IRF4: variants seen among roughly 807,000 people sequenced by gnomAD.
The protein encoded by IRF4 is lymphocyte-specific interferon regulatory factor.
In IRF4, 13 loss-of-function variants were observed where a neutral mutation model predicts 55.5. That is an observed-to-expected ratio of 0.23 (90% CI 0.15 to 0.37). The LOEUF is 0.37. IRF4 is among the 10% of genes least tolerant of loss of function. IRF4 has a pLI of 1.00. For synonymous variants in IRF4, 249 were observed against 240.7 expected (o/e 1.03, Z -0.32); for missense variants, 397 against 593.8 (o/e 0.67, Z 3.44).
intron 1 of IRF4, among the ~76,000 whole-genome samples, chr6:392,886 T>G (rs1361909595): frequency 1.3e-5 from 2 of 151,412 alleles, no homozygotes; most frequent in Non-Finnish European, 2.9e-5. Flanking sequence ...GGGGCCGAGC[T>G]CGGAAGGCGG....
chr6:392,818 C>T (rs1005555614), intron 1 of IRF4, among the ~76,000 whole-genome samples: 4 of 152,146 alleles, frequency 2.6e-5, no homozygotes, highest in Non-Finnish European at 5.9e-5. Flanking sequence ...CGGCGCGTGT[C>T]GGGAGCCTTT....
In IRF4 at chr6:393,413, A is replaced by C; in HGVS notation, c.216+45A>C. Reference sequence around the variant, plus strand: ...GGCGGGGGCGCGCCGGGGAGGGCCCAGAGACAGAGCCCGGGGTCCCCGGCG... The same window carrying C: ...GGCGGGGGCGCGCCGGGGAGGGCCCCGAGACAGAGCCCGGGGTCCCCGGCG... On this transcript the variant is annotated intron_variant, in intron 2 of 8. Transcript: ENST00000380956. This position sits in a 1 kb window ranked among gnomAD's most constrained non-coding sequence, Gnocchi z 5.4. 4 of 1,153,176 alleles carry C rather than the reference A, an allele frequency of 3.5e-6. No individual in the cohort carries two copies. The highest frequency in any genetic ancestry group is 4.7e-6 in the Non-Finnish European group (4 of 844,838). 71.4% of individuals were successfully genotyped at this position (1,153,176 alleles called of 1,614,324 possible).
In IRF4 at chr6:393,834, T is replaced by G. The variant is rs2127436457; in HGVS notation, c.216+466T>G. Reference sequence around the variant, plus strand: ...TTTCTCTTTTCGCTGCTTTTCTCTCTGAGTCTCTCTCTCTCCATGTTTTTC... The same window carrying G: ...TTTCTCTTTTCGCTGCTTTTCTCTCGGAGTCTCTCTCTCTCCATGTTTTTC... On this transcript the variant is annotated intron_variant, in intron 2 of 8. Coordinates refer to ENST00000380956, the MANE Select transcript of IRF4 (RefSeq NM_002460.4). This position sits in a 1 kb window ranked among gnomAD's most constrained non-coding sequence, Gnocchi z 5.4. Among the ~76,000 whole-genome samples the G allele has an allele frequency of 6.9e-6, 1 of 145,772 alleles. No homozygotes were observed. Among genetic ancestry groups the G allele is most frequent in the Middle Eastern group, 3.4e-3 (1 of 292 alleles).
At chr6:398,184 C>T (rs114847769) in intron 5 of IRF4, among the ~76,000 whole-genome samples, 1,812 of 152,298 alleles carry the variant, frequency 0.012, 37 homozygotes, top group African/African-American at 0.041. Context: ...TTCAGACTTG[C>T]GTTTACTGCT....
rs1448492529 is a variant in IRF4, at chr6:391,772, G to C, written c.-93G>C. 2.2e-6 allele frequency: 1 copy of C among 456,148 alleles called. No individual in the cohort carries two copies. The highest frequency in any genetic ancestry group is 6.9e-5 in the East Asian group (1 of 14,392). 28.3% of individuals were successfully genotyped at this position (456,148 alleles called of 1,614,324 possible). A position where few individuals can be genotyped will look rare whatever the true frequency, so the allele number is the denominator to read the frequency against. On this transcript the variant is annotated 5_prime_UTR_variant, in exon 1 of 9. Coordinates refer to ENST00000380956, the MANE Select transcript of IRF4 (RefSeq NM_002460.4). ...CTCTCAGTTTCACCGCTCGATCTTG[G>C]GACCCACCGCTGCCCTCAGCTCCGA...
chr6:405,892 A>G lies in IRF4; in HGVS notation c.1212+762A>G, dbSNP rs1051088905. 7.2e-5 allele frequency among the ~76,000 whole-genome samples: 11 copies of G among 152,354 alleles called. 3 individuals are homozygous for G. The highest frequency in any genetic ancestry group is 2.6e-4 in the African/African-American group (11 of 41,570). ...AGACTTTTGAATTTGAAAACTTCAC[A>G]TTGCTACATACTTGCAAGCATTATT... is the stretch of plus-strand genomic sequence containing the variant. On this transcript the variant is annotated intron_variant, in intron 8 of 8. Coordinates refer to ENST00000380956, the MANE Select transcript of IRF4 (RefSeq NM_002460.4).
Position 405,290 on chromosome 6 carries a change from AG to A in IRF4, c.1212+161del, listed in dbSNP as rs1761516173. Among the ~76,000 whole-genome samples, 7 of 152,370 alleles carry A rather than the reference AG, an allele frequency of 4.6e-5. No individual in the cohort carries two copies. The South Asian group carries it at 1.4e-3, about 32-fold the overall frequency. On this transcript the variant is annotated intron_variant, in intron 8 of 8. Coordinates refer to ENST00000380956, the MANE Select transcript of IRF4 (RefSeq NM_002460.4). Reference sequence around the variant, plus strand: ...AGGGAGGAAGCATGGTCCAACGAGCAGCACAGTCTGAGGACTCACGTGCTCC... The same window carrying A: ...AGGGAGGAAGCATGGTCCAACGAGCACACAGTCTGAGGACTCACGTGCTCC...
Position 395,915 on chromosome 6 carries a change from T to A in IRF4, c.472T>A (p.Tyr158Asn). Residue 158 changes from tyrosine to asparagine, a missense_variant, in exon 4 of 9, where the codon TAC becomes AAC. Tyr to Asn is a moderately radical substitution (Grantham distance 143). Transcript: ENST00000380956. The stretch of plus-strand genomic sequence containing the variant: ...CCACCCCTACACCATGACAACGCCT[T>A]ACCCTTCGCTCCCAGCCCAGGTATG... ...MSHPYTMTTP[Y>N]PSLPAQQVHN... 6.2e-7 allele frequency: 1 copy of A among 1,613,536 alleles called. No homozygotes were observed. Among genetic ancestry groups the A allele is most frequent in the Non-Finnish European group, 8.5e-7 (1 of 1,179,732 alleles).
rs1293882890 is a variant in IRF4 at position 411,009 on chromosome 6, T to C, written c.*3411T>C. 4.3e-5 allele frequency: 10 copies of C among 232,934 alleles called. No individual in the cohort carries two copies. Among genetic ancestry groups the C allele is most frequent in the Non-Finnish European group, 7.6e-5 (9 of 117,728 alleles). 14.4% of individuals were successfully genotyped at this position (232,934 alleles called of 1,614,324 possible). ...AAGTAAAGGTCAGTTTTTTTTTGTA[T>C]TGATTTTCACAGCTTTGAGGAACAT... On this transcript the variant is annotated 3_prime_UTR_variant, in exon 9 of 9. Coordinates refer to ENST00000380956, the MANE Select transcript of IRF4 (RefSeq NM_002460.4).
At position 393,149 on chromosome 6, in the gene IRF4, G is replaced by C; in HGVS notation, c.-4G>C. On this transcript the variant is annotated 5_prime_UTR_variant, in exon 2 of 9. Transcript: ENST00000380956. The surrounding 1 kb of genome is among the most constrained non-coding windows in gnomAD (Gnocchi z 5.4). ...CGGGCGCGGGCGCGGACGGCACGCG[G>C]GGCATGAACCTGGAGGGCGGCGGCC... 1.3e-6 allele frequency: 2 copies of C among 1,549,020 alleles called. No homozygotes were observed. Among genetic ancestry groups the C allele is most frequent in the Non-Finnish European group, 8.7e-7 (1 of 1,146,094 alleles).
intron 4 of IRF4, among the ~76,000 whole-genome samples, 167 bp from the exon 5 acceptor site, chr6:396,941 C>T (rs1761277683): frequency 8.8e-6 from 1 of 114,092 alleles, no homozygotes; most frequent in Non-Finnish European, 1.7e-5. Flanking sequence ...GCCTCTCCTG[C>T]ACTCCTTTAC....
At chr6:394,731 G>A (rs1761209375) in intron 2 of IRF4, 90 bp from the exon 3 acceptor site, 3 of 1,251,340 alleles carry the variant, frequency 2.4e-6, no homozygotes, top group Non-Finnish European at 3.4e-6. Flanking sequence ...CTCTAGCCTG[G>A]GCAGCAGAGC....
At position 401,424 on chromosome 6, in the gene IRF4, A is replaced by G; in HGVS notation, c.746A>G (p.Asp249Gly). Reference protein sequence around the residue: ...IRSAEALAFSDCRLHICLYYR... With the variant: ...IRSAEALAFSGCRLHICLYYR... ...TGACTCCGGAGCTCTGTGTTTGCAG[A>G]CTGCCGGCTGCACATCTGCCTGTAC... The change falls in exon 7 of 9, where the codon GAC becomes GGC. Residue 249 changes from aspartate (D) to glycine (G), a missense_variant and splice_region_variant. By Grantham distance (94) the Asp-to-Gly change is moderately conservative (BLOSUM62 -1). Around this residue, in one of 3 missense-constraint regions of IRF4, gnomAD observed 341 missense variants for 548.1 expected, o/e 0.62. Transcript: ENST00000380956. The G allele has an allele frequency of 1.2e-6, 2 of 1,609,966 alleles. No homozygotes were observed. Among genetic ancestry groups the G allele is most frequent in the Non-Finnish European group, 1.7e-6 (2 of 1,178,530 alleles).
rs893294825 is a variant in IRF4 at position 393,899 on chromosome 6, C to T, written c.216+531C>T. Reference sequence around the variant, plus strand: ...TCTTCTCGCTCCTGCTAGCTCTCTGCGGGTACTCCCACCTCTGTCTTTCTC... The same window carrying T: ...TCTTCTCGCTCCTGCTAGCTCTCTGTGGGTACTCCCACCTCTGTCTTTCTC... On this transcript the variant is annotated intron_variant, in intron 2 of 8. Coordinates refer to ENST00000380956, the MANE Select transcript of IRF4 (RefSeq NM_002460.4). The surrounding 1 kb of genome is among the most constrained non-coding windows in gnomAD (Gnocchi z 5.4). 3.9e-5 allele frequency among the ~76,000 whole-genome samples: 6 copies of T among 152,156 alleles called. No homozygotes were observed. Among genetic ancestry groups the T allele is most frequent in the African/African-American group, 1.2e-4 (5 of 41,436 alleles).
chr6:397,366 G>C, intron 5 of IRF4, 114 bp downstream of exon 5: 1 of 1,280,242 alleles, frequency 7.8e-7, no homozygotes, highest in Non-Finnish European at 1.1e-6. Flanking sequence ...CTTCTTAGAG[G>C]CTGCGTGTGC....
intron 1 of IRF4, among the ~76,000 whole-genome samples, chr6:392,467 C>CTGGG (rs1761131542): frequency 6.6e-6 from 1 of 152,280 alleles, no homozygotes. Context: ...ATCCCCCGTA[C>CTGGG]TGGGGCTGCA....
At position 395,025 on chromosome 6, in the gene IRF4, T is replaced by C; in HGVS notation, c.403+18T>C. The C allele has an allele frequency of 6.4e-7, 1 of 1,571,528 alleles. No homozygotes were observed. The highest frequency in any genetic ancestry group is 8.6e-7 in the Non-Finnish European group (1 of 1,157,236). On this transcript the variant is annotated intron_variant, in intron 3 of 8. Transcript: ENST00000380956. ...CAAAAAAGGTAGGGGCTCTCCTGAA[T>C]TTGGGTCACCTAACAGAGGCAGCCA...
Position 393,299 on chromosome 6 carries a change from C to T in IRF4, c.147C>T (p.Ile49=), listed in dbSNP as rs991845330. Residue 49 remains isoleucine (I), a synonymous_variant, in exon 2 of 9, where the codon ATC becomes ATT. Coordinates refer to ENST00000380956, the MANE Select transcript of IRF4 (RefSeq NM_002460.4). The surrounding 1 kb of genome is among the most constrained non-coding windows in gnomAD (Gnocchi z 5.4). Reference sequence around the variant, plus strand: ...TGTGGGAGAACGAGGAGAAGAGCATCTTCCGCATCCCCTGGAAGCACGCGG... The same window carrying T: ...TGTGGGAGAACGAGGAGAAGAGCATTTTCCGCATCCCCTGGAAGCACGCGG... The part of the protein sequence containing the change: ...GLVWENEEKS[I]FRIPWKHAGK... 2.6e-5 allele frequency: 42 copies of T among 1,607,896 alleles called. No individual in the cohort carries two copies. The highest frequency in any genetic ancestry group is 3.5e-5 in the Non-Finnish European group (41 of 1,177,558).
At chr6:397,394 G>A in intron 5 of IRF4, 142 bp downstream of exon 5, 3 of 944,322 alleles carry the variant, frequency 3.2e-6, no homozygotes, top group South Asian at 3.4e-5. Flanking sequence ...GGAGAGGGGG[G>A]TTTTCTCACT....
Sources: gnomAD v4.1 joint callset for allele counts (sites outside exome capture counted in the v4.1 genomes callset) on GRCh38, gnomAD v4.1.1 for gene constraint, gnomAD v4.1.1 regional missense constraint, Gnocchi (gnomAD v3.1) non-coding constraint, MANE v1.5 for transcripts, NCBI Gene and HGNC (gene_info 2026-07-23, HGNC 2026-07-21) for gene names.